Variants in EPB41L5 observed in about 807,000 individuals in gnomAD.
EPB41L5 encodes the protein band 4.1-like protein 5.
EPB41L5 carries 55 observed loss-of-function variants against 106.6 expected under a neutral mutation model. The observed-to-expected ratio is 0.52, with a 90% CI of 0.42 to 0.65. The LOEUF (loss-of-function observed/expected upper bound fraction) is 0.65. Ranked by LOEUF, EPB41L5 falls within the 30% of genes least tolerant of loss-of-function variation. The pLI is 0.00. For missense variants in EPB41L5, 871 were observed against 882.1 expected (o/e 0.99, Z 0.16); for synonymous variants, 297 against 306.7 (o/e 0.97, Z 0.33).
chr2:120,056,361 G>A (rs1047664715), intron 3 of EPB41L5, among the ~76,000 whole-genome samples: 1 of 150,926 alleles, frequency 6.6e-6, no homozygotes, highest in South Asian at 2.1e-4. Flanking sequence ...GTGCAGTGGC[G>A]TGATCTCAGC....
chr2:120,162,594 T>TC (rs1687182329), intron 21 of EPB41L5, among the ~76,000 whole-genome samples: 3 of 152,226 alleles, frequency 2.0e-5, no homozygotes, highest in Admixed American at 1.3e-4. Context: ...AAAAGATACA[T>TC]TGACTAATCA....
chr2:120,070,520 C>CACA (rs564915828), intron 3 of EPB41L5, among the ~76,000 whole-genome samples: 3 of 152,100 alleles, frequency 2.0e-5, no homozygotes, highest in Non-Finnish European at 2.9e-5. Flanking sequence ...CTGGCAGAGA[C>CACA]ACAACAACAA....
rs1194876947 is a variant in EPB41L5 at position 120,128,319 on chromosome 2, ATCTC to A, written c.1501+471_1501+474del. Among the ~76,000 whole-genome samples, 3 of 150,502 alleles carry A rather than the reference ATCTC, an allele frequency of 2.0e-5. No homozygotes were observed. In the East Asian group the frequency reaches 5.8e-4, roughly 29 times the overall value. Reference sequence around the variant, plus strand: ...TTTGAAGGTTAAAAGGAGACAGTAAATCTCTCATTGAAAATGTCTATGTATTTGT... The same window carrying A: ...TTTGAAGGTTAAAAGGAGACAGTAAATCATTGAAAATGTCTATGTATTTGT... On this transcript the variant is annotated intron_variant, in intron 17 of 24. Coordinates refer to ENST00000263713, the MANE Select transcript of EPB41L5 (RefSeq NM_020909.4).
At chr2:120,016,618 C>T (rs1242144381) in intron 1 of EPB41L5, among the ~76,000 whole-genome samples, 1 of 151,880 alleles carries the variant, frequency 6.6e-6, no homozygotes, top group South Asian at 2.1e-4. Flanking sequence ...TTTTTATGAA[C>T]ATCTTTTAAA....
chr2:120,069,128 CAAAAAAAAAA>C (rs539813602), intron 3 of EPB41L5, among the ~76,000 whole-genome samples: 4 of 79,550 alleles, frequency 5.0e-5, no homozygotes, highest in African/African-American at 1.8e-4. Context: ...AACTCTGTCT[CAAAAAAAAAA>C]AAAAAAAAAA....
intron 3 of EPB41L5, among the ~76,000 whole-genome samples, chr2:120,049,454 A>G (rs1299143097): frequency 1.3e-5 from 2 of 151,954 alleles, no homozygotes; most frequent in African/African-American, 4.8e-5. Flanking sequence ...GTTAGTTTCA[A>G]GTCTGTTTTA....
chr2:120,124,790 C>T (rs941071251), intron 16 of EPB41L5, among the ~76,000 whole-genome samples: 9 of 151,510 alleles, frequency 5.9e-5, no homozygotes, highest in East Asian at 3.9e-4. Flanking sequence ...CCTTTCATAA[C>T]GTTTGACTTT....
In EPB41L5 at chr2:120,090,333, C is replaced by A; in HGVS notation, c.874-14C>A. On this transcript the variant is annotated splice_polypyrimidine_tract_variant and intron_variant, in intron 11 of 24. Coordinates refer to ENST00000263713, the MANE Select transcript of EPB41L5 (RefSeq NM_020909.4). Reference sequence around the variant, plus strand: ...ATTAGTAATCATCCTTTTATATATACTTTTCTTTTTCAGGGCAAAGAACAG... The same window carrying A: ...ATTAGTAATCATCCTTTTATATATAATTTTCTTTTTCAGGGCAAAGAACAG... The A allele has an allele frequency of 6.3e-7, 1 of 1,580,552 alleles. No individual in the cohort carries two copies. The highest frequency in any genetic ancestry group is 8.6e-7 in the Non-Finnish European group (1 of 1,166,450).
At chr2:120,054,527 C>T (rs1680503212) in intron 3 of EPB41L5, among the ~76,000 whole-genome samples, 1 of 2,596 alleles carries the variant, frequency 3.9e-4, no homozygotes, top group African/African-American at 4.6e-4. Context: ...AAGAGTCTCA[C>T]TCTTCTCACT....
At chr2:120,134,871 T>G (rs1033515155) in intron 18 of EPB41L5, among the ~76,000 whole-genome samples, 1 of 152,034 alleles carries the variant, frequency 6.6e-6, no homozygotes, top group Non-Finnish European at 1.5e-5. Context: ...GAGATTACAA[T>G]AAATACCCAA....
chr2:120,167,629 GAACTT>G lies in EPB41L5; in HGVS notation c.2004+130_2004+134del, dbSNP rs570114320. 6.2e-4 allele frequency: 696 copies of G among 1,130,682 alleles called. 7 individuals carry two copies. The highest frequency in any genetic ancestry group is 5.9e-3 in the South Asian group (426 of 71,802). The allele number at this position is 1,130,682 out of a possible 1,614,324, so 70.0% of individuals were successfully genotyped here. ...GGTTGTTATCAAAGCCTTGTTAACT[GAACTT>G]AACTTAATGGCTTCAAGCTAGTGGC... is the stretch of plus-strand genomic sequence containing the variant. On this transcript the variant is annotated intron_variant, in intron 23 of 24. Transcript: ENST00000263713.
At chr2:120,078,424 A>T (rs954110618) in intron 9 of EPB41L5, 69 bp from the exon 10 acceptor site, 7 of 942,578 alleles carry the variant, frequency 7.4e-6, no homozygotes, top group Non-Finnish European at 9.7e-6. Context: ...AATAAAATTT[A>T]AAAGTTGTGT....
At chr2:120,033,314 C>T (rs954502355) in intron 2 of EPB41L5, among the ~76,000 whole-genome samples, 25 of 152,284 alleles carry the variant, frequency 1.6e-4, no homozygotes, top group African/African-American at 5.8e-4. Context: ...GAAGGCTAGA[C>T]TCAATGAAGT....
intron 20 of EPB41L5, among the ~76,000 whole-genome samples, chr2:120,149,565 C>G (rs1686575764): frequency 6.6e-6 from 1 of 152,136 alleles, no homozygotes; most frequent in South Asian, 2.1e-4. Flanking sequence ...TGTATCAGGA[C>G]TTTATTTCCT....
intron 14 of EPB41L5, among the ~76,000 whole-genome samples, chr2:120,098,087 A>G (rs759287091): frequency 6.6e-6 from 1 of 151,648 alleles, no homozygotes; most frequent in Non-Finnish European, 1.5e-5. Context: ...GTTAGTAAAA[A>G]GAAATTGTGC....
chr2:120,083,889 T>C (rs900656929), intron 10 of EPB41L5, among the ~76,000 whole-genome samples: 2 of 152,244 alleles, frequency 1.3e-5, no homozygotes, highest in Admixed American at 6.5e-5. Context: ...TTTGTTGGTT[T>C]CAGGTCTGTT....
intron 2 of EPB41L5, among the ~76,000 whole-genome samples, chr2:120,024,675 G>A (rs546732266): frequency 1.9e-4 from 29 of 152,224 alleles, no homozygotes; most frequent in Non-Finnish European, 3.1e-4. Context: ...TACCCAGGAT[G>A]GTCTCGGTCT....
intron 16 of EPB41L5, among the ~76,000 whole-genome samples, chr2:120,113,257 C>T (rs1373417726): frequency 6.6e-6 from 1 of 152,168 alleles, no homozygotes; most frequent in Non-Finnish European, 1.5e-5. Flanking sequence ...TGCACGCACA[C>T]ATGCAAGAAC....
intron 24 of EPB41L5, among the ~76,000 whole-genome samples, chr2:120,171,899 A>G (rs1034747131): frequency 6.6e-6 from 1 of 152,186 alleles, no homozygotes; most frequent in Non-Finnish European, 1.5e-5. Context: ...ATTTTGACAA[A>G]TAGAAGTAGG....
Sources: gnomAD v4.1 joint callset for allele counts (sites outside exome capture counted in the v4.1 genomes callset) on GRCh38, gnomAD v4.1.1 for gene constraint, MANE v1.5 for transcripts, NCBI Gene and HGNC (gene_info 2026-07-23, HGNC 2026-07-21) for gene names.